TMEM132D: variants seen among roughly 807,000 people sequenced by gnomAD.
The protein encoded by TMEM132D is mature OL transmembrane protein.
A neutral mutation model predicts 62.3 loss-of-function variants in TMEM132D; 21 were observed. That is an observed-to-expected ratio of 0.34 (90% CI 0.24 to 0.49). The LOEUF is 0.49. TMEM132D is among the 20% of genes least tolerant of loss of function. The pLI, the probability that TMEM132D is intolerant of heterozygous loss-of-function variation, is 0.99. For synonymous variants in TMEM132D, 621 were observed against 575.6 expected (o/e 1.08, Z -1.13); for missense variants, 1,346 against 1,402.8 (o/e 0.96, Z 0.65).
chr12:129,461,050 G>A (rs972371852), intron 3 of TMEM132D, among the ~76,000 whole-genome samples: 3 of 152,196 alleles, frequency 2.0e-5, no homozygotes, highest in Non-Finnish European at 2.9e-5. Context: ...TCCCAGTATG[G>A]GTTAGAATAA....
chr12:129,231,682 G>A (rs1879645460), intron 4 of TMEM132D, among the ~76,000 whole-genome samples: 1 of 152,180 alleles, frequency 6.6e-6, no homozygotes, highest in African/African-American at 2.4e-5. Context: ...GTGGGAGCAT[G>A]GTGTTAATGA....
chr12:129,580,069 A>G (rs962436436), intron 2 of TMEM132D, among the ~76,000 whole-genome samples: 7 of 152,172 alleles, frequency 4.6e-5, no homozygotes, highest in Non-Finnish European at 4.4e-5. Context: ...GTACTTCCCA[A>G]TAGGCCTTAA....
In TMEM132D at chr12:129,700,205, C is replaced by G. The variant is rs2137226419; in HGVS notation, c.573G>C (p.Leu191=). 1 of 1,612,860 alleles carries G rather than the reference C, an allele frequency of 6.2e-7. No individual in the cohort carries two copies. The highest frequency in any genetic ancestry group is 8.5e-7 in the Non-Finnish European group (1 of 1,179,946). ...ACAGGAGCTCCAGCTCGGCCACGCA[C>G]AGCCCCAGGTCCCCCTGCAGCCGGC... The part of the protein sequence containing the change: ...GSCRLQGDLG[L]CVAELELLSS... Residue 191 remains leucine, a synonymous_variant, in exon 2 of 9, where the codon CTG becomes CTC. Coordinates refer to ENST00000422113, the MANE Select transcript of TMEM132D (RefSeq NM_133448.3).
intron 3 of TMEM132D, among the ~76,000 whole-genome samples, chr12:129,381,568 C>T (rs1283912179): frequency 2.0e-5 from 3 of 152,116 alleles, no homozygotes; most frequent in African/African-American, 7.2e-5. Flanking sequence ...CAAACACAAC[C>T]AGGTTGCGAG....
chr12:129,155,794 C>A (rs891900077), intron 5 of TMEM132D, among the ~76,000 whole-genome samples: 5 of 151,776 alleles, frequency 3.3e-5, no homozygotes, highest in Non-Finnish European at 7.4e-5. Flanking sequence ...CTATGATAAC[C>A]CACTCCACAA....
chr12:129,259,278 A>G (rs1382527668), intron 4 of TMEM132D, among the ~76,000 whole-genome samples: 1 of 152,214 alleles, frequency 6.6e-6, no homozygotes, highest in Non-Finnish European at 1.5e-5. Flanking sequence ...TTGGAAGCTC[A>G]TCTGGTAATG....
At chr12:129,720,272 C>T (rs537797983) in intron 1 of TMEM132D, among the ~76,000 whole-genome samples, 1 of 152,266 alleles carries the variant, frequency 6.6e-6, no homozygotes, top group Non-Finnish European at 1.5e-5. Context: ...TATTCTTATA[C>T]ACTCTACCTT....
intron 2 of TMEM132D, among the ~76,000 whole-genome samples, chr12:129,651,695 C>G (rs1037877211): frequency 6.6e-6 from 1 of 152,122 alleles, no homozygotes; most frequent in East Asian, 1.9e-4. Flanking sequence ...AATTAAGAAG[C>G]AAGGACAGCA....
At chr12:129,492,705 T>C (rs1242318246) in intron 3 of TMEM132D, among the ~76,000 whole-genome samples, 3 of 152,166 alleles carry the variant, frequency 2.0e-5, no homozygotes, top group Non-Finnish European at 4.4e-5. Context: ...TACCACCTTC[T>C]TCTTTGTATT....
chr12:129,107,663 G>C (rs1875544219), intron 5 of TMEM132D, among the ~76,000 whole-genome samples: 1 of 152,150 alleles, frequency 6.6e-6, no homozygotes, highest in Admixed American at 6.5e-5. Flanking sequence ...CCTCTAGTTT[G>C]ATGGGAAATT....
intron 1 of TMEM132D, among the ~76,000 whole-genome samples, chr12:129,861,089 T>C (rs1873883527): frequency 6.6e-6 from 1 of 152,212 alleles, no homozygotes; most frequent in African/African-American, 2.4e-5. Context: ...TTTGAAACGC[T>C]TTCTGAAAAT....
chr12:129,085,656 CA>C (rs34424633), intron 5 of TMEM132D: 42,239 of 152,188 alleles, frequency 0.28, 6,694 homozygotes, highest in Non-Finnish European at 0.37. Context: ...CTGCCATTCC[CA>C]CATTCCAGAT....
intron 1 of TMEM132D, among the ~76,000 whole-genome samples, chr12:129,796,514 C>T (rs377028712): frequency 8.6e-5 from 13 of 151,900 alleles, no homozygotes; most frequent in Admixed American, 2.0e-4. Context: ...GTTTGTTGCA[C>T]GGATTAATTA....
chr12:129,576,976 G>A (rs986943991), intron 2 of TMEM132D, among the ~76,000 whole-genome samples: 8 of 151,874 alleles, frequency 5.3e-5, no homozygotes, highest in Non-Finnish European at 1.2e-4. Context: ...CATGGCTGCA[G>A]ACCTCAGTCT....
chr12:129,397,261 C>T (rs1378884731), intron 3 of TMEM132D, among the ~76,000 whole-genome samples: 4 of 152,026 alleles, frequency 2.6e-5, no homozygotes, highest in Non-Finnish European at 4.4e-5. Flanking sequence ...TCTTCTTTGC[C>T]CTGTGAGCTT....
intron 3 of TMEM132D, among the ~76,000 whole-genome samples, chr12:129,434,003 TAAGG>T (rs1372492927): frequency 6.6e-6 from 1 of 152,190 alleles, no homozygotes; most frequent in East Asian, 1.9e-4. Context: ...AGCTTGCAAC[TAAGG>T]AAGAAGAGAA....
intron 3 of TMEM132D, among the ~76,000 whole-genome samples, chr12:129,374,288 A>AGAGAGAGAGAGAGAGG (rs2135682563): frequency 6.6e-6 from 1 of 151,904 alleles, no homozygotes; most frequent in East Asian, 1.9e-4. Context: ...AGAGAGAGAG[A>AGAGAGAGAGAGAGAGG]GAGAGAGATT....
At chr12:129,161,588 C>T (rs950591857) in intron 5 of TMEM132D, among the ~76,000 whole-genome samples, 4 of 152,172 alleles carry the variant, frequency 2.6e-5, no homozygotes, top group Admixed American at 2.6e-4. Flanking sequence ...TTCCTAGACC[C>T]ATCTTCTCTA....
intron 5 of TMEM132D, among the ~76,000 whole-genome samples, chr12:129,207,607 A>C (rs7978792): frequency 0.11 from 16,885 of 152,056 alleles, 1,188 homozygotes; most frequent in African/African-American, 0.19. Context: ...CTGTTACAGG[A>C]GTGGCCGAGT....
Sources: allele counts gnomAD v4.1 joint callset (sites outside exome capture counted in the v4.1 genomes callset), GRCh38; gene constraint gnomAD v4.1.1; transcripts MANE v1.5; gene names NCBI Gene and HGNC (gene_info 2026-07-23, HGNC 2026-07-21).